FDX1: variants seen among roughly 807,000 people sequenced by gnomAD.
The protein encoded by FDX1 is ferredoxin 1.
In FDX1, 9 loss-of-function variants were observed where a neutral mutation model predicts 14.9. That is an observed-to-expected ratio of 0.60 (90% CI 0.36 to 1.05). The LOEUF is 1.05. Ranked by LOEUF, FDX1 falls within the 50% of genes least tolerant of loss-of-function variation. The probability of loss-of-function intolerance (pLI) is 0.01; values close to 1 mark genes in which losing one functional copy is unlikely to be tolerated. For synonymous variants in FDX1, 92 were observed against 99.4 expected, an observed-to-expected ratio of 0.93 and a Z score of 0.44; for missense variants, 204 against 237.2, an observed-to-expected ratio of 0.86 and a Z score of 0.92.
chr11:110,445,496 A>G (rs1234018277), intron 2 of FDX1, among the ~76,000 whole-genome samples: 1 of 152,262 alleles, frequency 6.6e-6, no homozygotes, highest in Admixed American at 6.5e-5. Context: ...CAAAAAGAAC[A>G]TATAAAAACA....
At chr11:110,462,081 G>A (rs1469548620) in intron 3 of FDX1, among the ~76,000 whole-genome samples, 1 of 152,142 alleles carries the variant, frequency 6.6e-6, no homozygotes, top group African/African-American at 2.4e-5. Flanking sequence ...TGACCAAAAA[G>A]TAGTGGTCTG....
At chr11:110,433,627 G>A (rs1946346035) in intron 1 of FDX1, among the ~76,000 whole-genome samples, 1 of 152,170 alleles carries the variant, frequency 6.6e-6, no homozygotes, top group South Asian at 2.1e-4. Flanking sequence ...AAAAATGGCA[G>A]TTATTCATGT....
chr11:110,434,580 G>A (rs1185998707), intron 1 of FDX1, among the ~76,000 whole-genome samples: 1 of 151,940 alleles, frequency 6.6e-6, no homozygotes, highest in Non-Finnish European at 1.5e-5. Context: ...TAATCCGCCC[G>A]CCTTGGCCTC....
At chr11:110,430,870 T>C (rs183383249) in intron 1 of FDX1, among the ~76,000 whole-genome samples, 39 of 152,320 alleles carry the variant, frequency 2.6e-4, no homozygotes, top group African/African-American at 8.4e-4. Context: ...GCTCAAGTGT[T>C]GAAAGCCCCT....
In FDX1 at chr11:110,449,274, ATTG is replaced by A. The variant is rs921933900; in HGVS notation, c.311-7639_311-7637del. Among the ~76,000 whole-genome samples, 63 of 152,350 alleles carry A rather than the reference ATTG, an allele frequency of 4.1e-4. 1 individual carries two copies. Among genetic ancestry groups the A allele is most frequent in the African/African-American group, 1.4e-3 (59 of 41,576 alleles). On this transcript the variant is annotated intron_variant, in intron 2 of 3. Coordinates refer to ENST00000260270, the MANE Select transcript of FDX1 (RefSeq NM_004109.5). ...TGTATATACTTTTAAGTTCATGAAA[ATTG>A]TTGTATAACCAAGCCAGGATGGTGG...
Position 110,464,833 on chromosome 11 carries a change from T to C in FDX1, c.*2365T>C, listed in dbSNP as rs1946583063. 1 of 152,206 alleles carries C rather than the reference T, an allele frequency of 6.6e-6. No homozygotes were observed. The highest frequency in any genetic ancestry group is 1.5e-5 in the Non-Finnish European group (1 of 68,030). The allele number at this position is 152,206 out of a possible 1,614,324, so 9.4% of individuals were successfully genotyped here. The stretch of plus-strand genomic sequence containing the variant: ...GAAAAGTTCAAATGAAGTTTAATTG[T>C]GTTATTTTATAAAACCTTCTAAAAT... On this transcript the variant is annotated 3_prime_UTR_variant, in exon 4 of 4. Coordinates refer to ENST00000260270, the MANE Select transcript of FDX1 (RefSeq NM_004109.5).
Position 110,430,176 on chromosome 11 carries a change from G to C in FDX1, c.56G>C (p.Gly19Ala). 1 of 1,232,622 alleles carries C rather than the reference G, an allele frequency of 8.1e-7. No homozygotes were observed. The highest frequency in any genetic ancestry group is 1.0e-6 in the Non-Finnish European group (1 of 990,248). The allele number at this position is 1,232,622 out of a possible 1,614,324, so 76.4% of individuals were successfully genotyped here. Residue 19 changes from glycine (G) to alanine (A), a missense_variant, in exon 1 of 4, where the codon GGC becomes GCC. By Grantham distance (60) the Gly-to-Ala change is moderately conservative (BLOSUM62 0). Coordinates refer to ENST00000260270, the MANE Select transcript of FDX1 (RefSeq NM_004109.5). ...LLRAASAVLG[G>A]PAGRWLHHAG... The stretch of plus-strand genomic sequence containing the variant: ...CGCGCCGCTTCTGCTGTCCTCGGCG[G>C]CCCGGCCGGCCGGTGGCTGCACCAC...
intron 3 of FDX1, among the ~76,000 whole-genome samples, chr11:110,457,383 A>T (rs2134692672): frequency 6.6e-6 from 1 of 150,948 alleles, no homozygotes; most frequent in South Asian, 2.1e-4. Context: ...TTGATAATTG[A>T]ACACAATTAT....
intron 3 of FDX1, among the ~76,000 whole-genome samples, chr11:110,458,787 G>T (rs11213410): frequency 0.19 from 29,540 of 151,650 alleles, 3,050 homozygotes; most frequent in East Asian, 0.26. Context: ...TTTGTATTTT[G>T]AGTAGAGACG....
intron 2 of FDX1, among the ~76,000 whole-genome samples, chr11:110,448,112 A>G (rs763215306): frequency 1.3e-5 from 2 of 152,180 alleles, no homozygotes; most frequent in Non-Finnish European, 2.9e-5. Flanking sequence ...ATATTCTGTC[A>G]CTAGGGGGCA....
Sources: allele counts gnomAD v4.1 joint callset (sites outside exome capture counted in the v4.1 genomes callset), GRCh38; gene constraint gnomAD v4.1.1; transcripts MANE v1.5; gene names NCBI Gene and HGNC (gene_info 2026-07-23, HGNC 2026-07-21).